Variants in CCDC73 observed in about 807,000 individuals in gnomAD.
CCDC73 encodes the protein coiled-coil domain containing 73.
Under a neutral mutation model 116.5 loss-of-function variants are expected in CCDC73, and 95 were observed. That is an observed-to-expected ratio of 0.82 (90% CI 0.69 to 0.97). The LOEUF (loss-of-function observed/expected upper bound fraction) is 0.97. Among genes scored for constraint, CCDC73 ranks in the 50% least tolerant of loss-of-function variants. The pLI is 0.00. For synonymous variants in CCDC73, 398 were observed against 401.3 expected (o/e 0.99, Z 0.10); for missense variants, 1,066 against 1,206.8 (o/e 0.88, Z 1.73).
intron 12 of CCDC73, among the ~76,000 whole-genome samples, chr11:32,652,207 G>A (rs1855831637): frequency 6.6e-6 from 1 of 151,968 alleles, no homozygotes; most frequent in Non-Finnish European, 1.5e-5. Context: ...GGGAGGCTGA[G>A]GCAGGAGAAT....
intron 1 of CCDC73, among the ~76,000 whole-genome samples, chr11:32,776,992 T>C (rs1412139328): frequency 1.3e-3 from 34 of 27,068 alleles, no homozygotes; most frequent in Middle Eastern, 0.015. Flanking sequence ...TACACATGTA[T>C]ATATATATAT....
intron 3 of CCDC73, among the ~76,000 whole-genome samples, chr11:32,715,162 G>A (rs539389592): frequency 6.6e-6 from 1 of 152,062 alleles, no homozygotes; most frequent in African/African-American, 2.4e-5. Flanking sequence ...CCTTAAGTGA[G>A]TAAAAACATA....
Position 32,702,862 on chromosome 11 carries a change from TA to T in CCDC73, c.279+10del. On this transcript the variant is annotated intron_variant, in intron 4 of 17. Transcript: ENST00000335185. ...TAAAATGGTAGTGTTTGTCTATCCTTATGAAATTACCTGCTTTTTAAAAACT... is the reference window on the plus strand; with the variant it reads ...TAAAATGGTAGTGTTTGTCTATCCTTTGAAATTACCTGCTTTTTAAAAACT... 1 of 1,578,098 alleles carries T rather than the reference TA, an allele frequency of 6.3e-7. No individual in the cohort carries two copies. The highest frequency in any genetic ancestry group is 8.7e-7 in the Non-Finnish European group (1 of 1,147,172).
At chr11:32,686,902 C>T (rs1278333220) in intron 6 of CCDC73, among the ~76,000 whole-genome samples, 1 of 152,096 alleles carries the variant, frequency 6.6e-6, no homozygotes, top group Non-Finnish European at 1.5e-5. Flanking sequence ...AGGCATACTT[C>T]TAATATCAGA....
chr11:32,806,072 G>A, the CCDC73 span, among the ~76,000 whole-genome samples: 1 of 152,216 alleles, frequency 6.6e-6, no homozygotes, highest in African/African-American at 2.4e-5. Flanking sequence ...CTCTTTTCTT[G>A]TTATGAAGTA....
intron 3 of CCDC73, among the ~76,000 whole-genome samples, chr11:32,705,487 G>A (rs1849847739): frequency 6.6e-6 from 1 of 152,196 alleles, no homozygotes; most frequent in South Asian, 2.1e-4. Context: ...GCAGCAGCCA[G>A]CATGCTTGGC....
In CCDC73 at chr11:32,613,581, C is replaced by T; in HGVS notation, c.2737G>A (p.Val913Ile). 2 of 1,614,078 alleles carry T rather than the reference C, an allele frequency of 1.2e-6. No individual in the cohort carries two copies. Among genetic ancestry groups the T allele is most frequent in the African/African-American group, 1.3e-5 (1 of 75,032 alleles). The change falls in exon 16 of 18, where the codon GTA becomes ATA. Residue 913 changes from valine to isoleucine, a missense_variant. Physicochemically the swap from Val to Ile is conservative, Grantham distance 29. Coordinates refer to ENST00000335185, the MANE Select transcript of CCDC73 (RefSeq NM_001008391.4). ...NFSDPGPWSK[V>I]NHIESQTASS... is the part of the protein sequence containing the mutation. The stretch of plus-strand genomic sequence containing the variant: ...GCTGTTTGACTTTCAATGTGATTTA[C>T]TTTTGACCAAGGACCGGGGTCTGAA...
chr11:32,701,679 C>T (rs1020483184), intron 4 of CCDC73, among the ~76,000 whole-genome samples: 2 of 152,006 alleles, frequency 1.3e-5, no homozygotes, highest in African/African-American at 4.8e-5. Context: ...CAGGGCAAGA[C>T]TATCTCTAAA....
At chr11:32,643,576 G>C (rs1855751826) in intron 12 of CCDC73, among the ~76,000 whole-genome samples, 1 of 152,048 alleles carries the variant, frequency 6.6e-6, no homozygotes, top group Admixed American at 6.6e-5. Context: ...GTAGGCAATT[G>C]TAACACAATA....
intron 14 of CCDC73, among the ~76,000 whole-genome samples, chr11:32,634,093 G>T (rs934161784): frequency 6.6e-6 from 1 of 151,354 alleles, no homozygotes; most frequent in African/African-American, 2.4e-5. Context: ...AGCTCCACTG[G>T]TGAATTAGAC....
At chr11:32,631,414 C>A (rs1055627279) in intron 14 of CCDC73, among the ~76,000 whole-genome samples, 1 of 152,022 alleles carries the variant, frequency 6.6e-6, no homozygotes, top group Non-Finnish European at 1.5e-5. Flanking sequence ...AAATTAAATT[C>A]GAAATCATTA....
chr11:32,710,656 T>A (rs1197421788), intron 3 of CCDC73, among the ~76,000 whole-genome samples: 1 of 152,232 alleles, frequency 6.6e-6, no homozygotes, highest in Non-Finnish European at 1.5e-5. Flanking sequence ...GAATGCATAT[T>A]CTGCAGTTGT....
chr11:32,797,272 A>T (rs11031994), upstream of CCDC73, among the ~76,000 whole-genome samples: 15,414 of 152,076 alleles, frequency 0.1, 1,047 homozygotes, highest in Non-Finnish European at 0.15. Context: ...TGATTGCACT[A>T]CTGCACTCCA....
intron 9 of CCDC73, among the ~76,000 whole-genome samples, chr11:32,661,532 A>G (rs1355472055): frequency 7.1e-6 from 1 of 140,612 alleles, no homozygotes; most frequent in Non-Finnish European, 1.5e-5. Context: ...TTCCCACCTG[A>G]GAGTGAGAAC....
In CCDC73 at chr11:32,755,573, ATCCATATATATGTG is replaced by A. The variant is rs1850327935; in HGVS notation, c.135+4522_135+4535del. Among the ~76,000 whole-genome samples, 2 of 113,250 alleles carry A rather than the reference ATCCATATATATGTG, an allele frequency of 1.8e-5. 1 individual carries two copies. The highest frequency in any genetic ancestry group is 6.2e-5 in the African/African-American group (2 of 32,152). 74.3% of individuals were successfully genotyped at this position (113,250 alleles called of 152,430 possible). A position where few individuals can be genotyped will look rare whatever the true frequency, so the allele number is the denominator to read the frequency against. ...TATATATATATATATGTACATATATATCCATATATATGTGTGTATATATATATCCATATATATGT... is the reference window on the plus strand; with the variant it reads ...TATATATATATATATGTACATATATATGTATATATATATCCATATATATGT... On this transcript the variant is annotated intron_variant, in intron 2 of 17. Coordinates refer to ENST00000335185, the MANE Select transcript of CCDC73 (RefSeq NM_001008391.4).
upstream of CCDC73, among the ~76,000 whole-genome samples, chr11:32,796,739 G>A (rs1260216852): frequency 2.6e-5 from 4 of 152,130 alleles, no homozygotes; most frequent in African/African-American, 9.7e-5. Context: ...GCCAGCTGTG[G>A]TGGCTCATGC....
At chr11:32,787,957 T>C (rs1196163337) in intron 1 of CCDC73, among the ~76,000 whole-genome samples, 1 of 152,154 alleles carries the variant, frequency 6.6e-6, no homozygotes, top group Admixed American at 6.6e-5. Flanking sequence ...AACTGAAAGA[T>C]CTTTTATGTC....
the CCDC73 span, among the ~76,000 whole-genome samples, chr11:32,820,022 T>C: frequency 6.6e-6 from 1 of 152,212 alleles, no homozygotes; most frequent in South Asian, 2.1e-4. Flanking sequence ...CTATAATAAA[T>C]ATAAATATTG....
intron 6 of CCDC73, among the ~76,000 whole-genome samples, chr11:32,683,950 G>A (rs2133296110): frequency 6.6e-6 from 1 of 152,292 alleles, no homozygotes; most frequent in East Asian, 1.9e-4. Flanking sequence ...CTGAGGAAAA[G>A]TTTTTAAAGA....
Sources: gnomAD v4.1 joint callset for allele counts (sites outside exome capture counted in the v4.1 genomes callset) on GRCh38, gnomAD v4.1.1 for gene constraint, MANE v1.5 for transcripts, NCBI Gene and HGNC (gene_info 2026-07-23, HGNC 2026-07-21) for gene names.